Variants in PVT1 observed in about 807,000 individuals in gnomAD.
PVT1 encodes the protein Pvt1 oncogene, also known as CXCR4/PVT1 fusion.
chr8:127,929,988 T>G (rs1373170236), intron 3 of PVT1, among the ~76,000 whole-genome samples: 2 of 152,206 alleles, frequency 1.3e-5, no homozygotes, highest in Admixed American at 1.3e-4. Context: ...TGTCTTTGCT[T>G]TAGAAAAATA....
intron 2 of PVT1, among the ~76,000 whole-genome samples, chr8:127,827,695 T>C (rs560997169): frequency 3.5e-4 from 54 of 152,198 alleles, no homozygotes; most frequent in African/African-American, 1.2e-3. Flanking sequence ...TGGAAAAATT[T>C]CCTTCCCCCT....
At chr8:127,996,423 A>G (rs956202848) in intron 4 of PVT1, 1 of 151,720 alleles carries the variant, frequency 6.6e-6, no homozygotes, top group African/African-American at 2.4e-5. Context: ...CCATTATGGG[A>G]TGCAGGGCAT....
intron 3 of PVT1, among the ~76,000 whole-genome samples, chr8:127,891,486 A>G (rs1815601778): frequency 6.6e-6 from 1 of 152,226 alleles, no homozygotes; most frequent in Admixed American, 6.5e-5. Context: ...GGAGGCAGAC[A>G]GGCCTGGGTA....
intron 2 of PVT1, among the ~76,000 whole-genome samples, chr8:127,811,994 C>A (rs1438960256): frequency 6.6e-6 from 1 of 152,060 alleles, no homozygotes; most frequent in East Asian, 1.9e-4. Flanking sequence ...GTAATCCCAG[C>A]ACTTTGGGAG....
At chr8:128,100,507 A>G (rs1814490675) in intron 6 of PVT1, among the ~76,000 whole-genome samples, 1 of 152,180 alleles carries the variant, frequency 6.6e-6, no homozygotes, top group African/African-American at 2.4e-5. Flanking sequence ...GGGAGGTGAC[A>G]GTCAAGCCCA....
At chr8:127,904,243 A>T (rs964041203) in intron 3 of PVT1, among the ~76,000 whole-genome samples, 1 of 150,470 alleles carries the variant, frequency 6.6e-6, no homozygotes, top group African/African-American at 2.4e-5. Flanking sequence ...CAGTAGGGGC[A>T]TTTCACTTGT....
Position 127,973,467 on chromosome 8 carries a change from G to C in PVT1, n.783-15695G>C, listed in dbSNP as rs543264731. ...ATAACATGCCCAAAGGCACAGAGCT[G>C]GTACTGTTGGAGTCAGAACTAGACT... On this transcript the variant is annotated intron_variant and non_coding_transcript_variant, in intron 3 of 10. Transcript: ENST00000651587. 3.2e-4 allele frequency among the ~76,000 whole-genome samples: 49 copies of C among 152,206 alleles called. 1 individual carries two copies. In the South Asian group the frequency reaches 9.7e-3, roughly 30 times the overall value.
At chr8:128,095,745 T>A (rs1015686491) in intron 5 of PVT1, among the ~76,000 whole-genome samples, 2 of 152,248 alleles carry the variant, frequency 1.3e-5, no homozygotes, top group East Asian at 3.8e-4. Context: ...CTGAGGATGA[T>A]CACGGATTTC....
chr8:127,936,788 A>C (rs543486391), intron 3 of PVT1, among the ~76,000 whole-genome samples: 6 of 152,190 alleles, frequency 3.9e-5, no homozygotes, highest in African/African-American at 1.2e-4. Flanking sequence ...CTTTGCTCTA[A>C]ACTCTTCGCT....
chr8:127,829,881 T>G (rs1215242029), intron 2 of PVT1, among the ~76,000 whole-genome samples: 1 of 152,222 alleles, frequency 6.6e-6, no homozygotes, highest in Non-Finnish European at 1.5e-5. Context: ...ATGCTCCACA[T>G]GAAGGCTCCG....
At chr8:127,820,706 T>G (rs1563614054) in intron 2 of PVT1, among the ~76,000 whole-genome samples, 1 of 152,012 alleles carries the variant, frequency 6.6e-6, no homozygotes, top group African/African-American at 2.4e-5. Flanking sequence ...GGTTTTGTTT[T>G]TTTTTTTTCT....
intron 5 of PVT1, among the ~76,000 whole-genome samples, chr8:128,091,271 A>G (rs1323145616): frequency 6.6e-6 from 1 of 152,116 alleles, no homozygotes. Context: ...CTGCAGTGGC[A>G]GGGCTGAGAT....
chr8:127,885,291 C>T (rs1436377662), intron 2 of PVT1, among the ~76,000 whole-genome samples: 1 of 152,080 alleles, frequency 6.6e-6, no homozygotes, highest in Non-Finnish European at 1.5e-5. Context: ...TAATATGTGC[C>T]CAGCAACATG....
At chr8:127,895,474 A>G (rs573183846) in intron 3 of PVT1, among the ~76,000 whole-genome samples, 1 of 152,052 alleles carries the variant, frequency 6.6e-6, no homozygotes, top group Non-Finnish European at 1.5e-5. Flanking sequence ...CCATCTCCCA[A>G]ATAAATAAAT....
At chr8:127,968,412 A>G (rs1243907464) in intron 3 of PVT1, among the ~76,000 whole-genome samples, 2 of 152,156 alleles carry the variant, frequency 1.3e-5, no homozygotes, top group African/African-American at 4.8e-5. Flanking sequence ...ACCTCTTTCA[A>G]AAATACCATT....
intron 2 of PVT1, among the ~76,000 whole-genome samples, chr8:127,830,801 C>T (rs1814840224): frequency 6.6e-6 from 1 of 152,040 alleles, no homozygotes; most frequent in South Asian, 2.1e-4. Flanking sequence ...TGGGCACAAT[C>T]TAATCAGCTG....
chr8:127,975,757 G>C (rs1314025458), intron 3 of PVT1, among the ~76,000 whole-genome samples: 4 of 152,226 alleles, frequency 2.6e-5, no homozygotes, highest in Non-Finnish European at 5.9e-5. Flanking sequence ...AAAGCTTTGA[G>C]ATACAGCTCC....
intron 3 of PVT1, among the ~76,000 whole-genome samples, chr8:127,912,035 T>G (rs1815904940): frequency 1.3e-5 from 2 of 152,104 alleles, no homozygotes. Flanking sequence ...AGACCTGGAT[T>G]TGAGTGCCCT....
At chr8:128,076,492 T>C (rs559618548) in intron 5 of PVT1, among the ~76,000 whole-genome samples, 1 of 152,310 alleles carries the variant, frequency 6.6e-6, no homozygotes, top group African/African-American at 2.4e-5. Context: ...AATGAATATA[T>C]ATTTTTTTCT....
Sources: allele counts gnomAD v4.1 joint callset (sites outside exome capture counted in the v4.1 genomes callset), GRCh38; gene constraint gnomAD v4.1.1; transcripts MANE v1.5; gene names NCBI Gene and HGNC (gene_info 2026-07-23, HGNC 2026-07-21).